AFF2: variants seen among roughly 807,000 people sequenced by gnomAD.
AFF2 encodes the protein AF4/FMR2 family member 2.
In AFF2, 14 loss-of-function variants were observed where a neutral mutation model predicts 76.9. That is an observed-to-expected ratio of 0.18 (90% CI 0.12 to 0.28). AFF2 has a LOEUF of 0.28. Ranked by LOEUF, AFF2 falls within the 10% of genes least tolerant of loss-of-function variation. The pLI, the probability that AFF2 is intolerant of heterozygous loss-of-function variation, is 1.00. For synonymous variants in AFF2, 398 were observed against 366.7 expected (o/e 1.09, Z -0.98); for missense variants, 868 against 1,001.1 (o/e 0.87, Z 1.79).
rs181489800 is a variant in AFF2 at position 148,758,459 on chromosome X, T to A, written c.1042-51417T>A. 6.8e-3 allele frequency among the ~76,000 whole-genome samples: 765 copies of A among 112,125 alleles called. 7 individuals are homozygous for A. Among genetic ancestry groups the A allele is most frequent in the African/African-American group, 0.023 (722 of 30,909 alleles). On this transcript the variant is annotated intron_variant, in intron 3 of 20. Coordinates refer to ENST00000370460, the MANE Select transcript of AFF2 (RefSeq NM_002025.4). Reference sequence around the variant, plus strand: ...AACATTGGGAAACTGCAGAAATGAATAAAAACTAGAATGAAAATCACCCAT... The same window carrying A: ...AACATTGGGAAACTGCAGAAATGAAAAAAAACTAGAATGAAAATCACCCAT...
rs1557257755 is a variant in AFF2 at position 148,661,911 on chromosome X, A to C, written c.184A>C (p.Asn62His). 1 of 1,194,590 alleles carries C rather than the reference A, an allele frequency of 8.4e-7. No homozygotes were observed. Among genetic ancestry groups the C allele is most frequent in the Non-Finnish European group, 1.1e-6 (1 of 886,323 alleles). The change falls in exon 3 of 21, where the codon AAC (asparagine) becomes CAC (histidine). Residue 62 changes from asparagine (N) to histidine (H), a missense_variant. This residue lies in a region of AFF2 where 196 missense variants were observed against 194.8 expected (regional missense o/e 1.01). Transcript: ENST00000370460. ...CCCCATCTTTTTGTTATTTTAGACA[A>C]ACAAAGGTGATGCACTTGCCAACCG... is the stretch of plus-strand genomic sequence containing the variant. ...GEPYKVAEYT[N>H]KGDALANRVQ... is the part of the protein sequence containing the mutation.
chrX:148,594,280 A>G (rs2053550044), intron 1 of AFF2, among the ~76,000 whole-genome samples: 1 of 111,729 alleles, frequency 9.0e-6, no homozygotes, highest in African/African-American at 3.3e-5. Flanking sequence ...TCAGAAATAC[A>G]TCTGGAACAC....
intron 9 of AFF2, among the ~76,000 whole-genome samples, chrX:148,945,296 T>A (rs1335120645): frequency 7.1e-5 from 8 of 112,204 alleles, no homozygotes; most frequent in African/African-American, 2.6e-4. Context: ...TCAGGAACAA[T>A]TGCCTAAAGA....
At chrX:148,961,475 G>A (rs1457024354) in intron 12 of AFF2, among the ~76,000 whole-genome samples, 2 of 112,141 alleles carry the variant, frequency 1.8e-5, no homozygotes, top group Non-Finnish European at 3.8e-5. Flanking sequence ...AATCAATTGA[G>A]GTAATGACAG....
In AFF2 at chrX:148,767,556, C is replaced by A. The variant is rs141241754; in HGVS notation, c.1042-42320C>A. ...TTTGCCCCTGAAAGCCACTAGCAAC[C>A]TAAAGCTCAGTCTTAAGACAGAAAG... On this transcript the variant is annotated intron_variant, in intron 3 of 20. Coordinates refer to ENST00000370460, the MANE Select transcript of AFF2 (RefSeq NM_002025.4). Among the ~76,000 whole-genome samples the A allele has an allele frequency of 3.7e-4, 41 of 112,145 alleles. No individual in the cohort carries two copies. The East Asian group carries it at 0.011, about 30-fold the overall frequency.
At chrX:148,735,754 T>C (rs1375666087) in intron 3 of AFF2, among the ~76,000 whole-genome samples, 1 of 111,274 alleles carries the variant, frequency 9.0e-6, no homozygotes, top group Non-Finnish European at 1.9e-5. Context: ...TGTAGTCTTT[T>C]ATCCCTCACC....
chrX:148,587,256 G>C (rs2053477924), intron 1 of AFF2, among the ~76,000 whole-genome samples: 1 of 111,979 alleles, frequency 8.9e-6, no homozygotes, highest in African/African-American at 3.2e-5. Context: ...TGTACAAGAA[G>C]AGCTATTATT....
intron 7 of AFF2, among the ~76,000 whole-genome samples, chrX:148,870,021 G>A (rs1453157455): frequency 9.0e-6 from 1 of 111,240 alleles, no homozygotes; most frequent in Non-Finnish European, 1.9e-5. Flanking sequence ...TGAGTTTTAG[G>A]TAGGAACGCA....
At chrX:148,575,378 G>A (rs186138183) in intron 1 of AFF2, among the ~76,000 whole-genome samples, 1 of 111,612 alleles carries the variant, frequency 9.0e-6, no homozygotes, top group East Asian at 2.8e-4. Context: ...TACATAATAT[G>A]TTTTCCTTTT....
chrX:148,652,022 C>T lies in AFF2; in HGVS notation c.71C>T (p.Ala24Val), dbSNP rs2054207612. The change falls in exon 2 of 21, where the codon GCA (alanine) becomes GTA (valine). Residue 24 changes from alanine to valine, a missense_variant. This residue lies in a region of AFF2 where 196 missense variants were observed against 194.8 expected (regional missense o/e 1.01). Transcript: ENST00000370460. ...AGTCACTATGAACAAGACCGTAGTG[C>T]ACTTAAAAAAAGGGAATGGGAGCGG... Reference protein sequence around the residue: ...QQCHYEQDRSALKKREWERRN... With the variant: ...QQCHYEQDRSVLKKREWERRN... 1 of 1,200,887 alleles carries T rather than the reference C, an allele frequency of 8.3e-7. No homozygotes were observed. Among genetic ancestry groups the T allele is most frequent in the African/African-American group, 1.8e-5 (1 of 56,626 alleles).
intron 1 of AFF2, among the ~76,000 whole-genome samples, chrX:148,563,391 G>T (rs1557241069): frequency 8.9e-6 from 1 of 111,801 alleles, no homozygotes; most frequent in East Asian, 2.8e-4. Context: ...GGCAGTGGAG[G>T]CCAGCTGGGA....
intron 3 of AFF2, among the ~76,000 whole-genome samples, chrX:148,769,105 T>G (rs1331046641): frequency 8.9e-6 from 1 of 112,199 alleles, no homozygotes; most frequent in African/African-American, 3.2e-5. Flanking sequence ...CTGTGCAACC[T>G]CTCATTTCTT....
chrX:148,552,915 C>T (rs1441671726), intron 1 of AFF2, among the ~76,000 whole-genome samples: 1 of 111,791 alleles, frequency 8.9e-6, no homozygotes, highest in Non-Finnish European at 1.9e-5. Context: ...CAGCTCCATT[C>T]TAGGTATTTG....
chrX:148,966,081 C>T (rs782312459), intron 13 of AFF2, among the ~76,000 whole-genome samples: 9 of 111,585 alleles, frequency 8.1e-5, no homozygotes, highest in Non-Finnish European at 1.5e-4. Flanking sequence ...AAAGCAAAGC[C>T]CTTGTAAGTA....
chrX:148,779,857 T>C (rs1557268927), intron 3 of AFF2, among the ~76,000 whole-genome samples: 1 of 112,276 alleles, frequency 8.9e-6, no homozygotes, highest in Non-Finnish European at 1.9e-5. Context: ...GTCTTTACAT[T>C]TTGGTTTGTT....
intron 13 of AFF2, among the ~76,000 whole-genome samples, chrX:148,964,874 CAAAT>C (rs1192627314): frequency 8.9e-6 from 1 of 112,339 alleles, no homozygotes; most frequent in Non-Finnish European, 1.9e-5. Context: ...AAAAAAGAAA[CAAAT>C]GAATGGAAGG....
At chrX:148,857,478 A>G (rs2070799435) in intron 7 of AFF2, among the ~76,000 whole-genome samples, 2 of 111,929 alleles carry the variant, frequency 1.8e-5, no homozygotes, top group African/African-American at 6.5e-5. Flanking sequence ...TTGATTCTGA[A>G]TGCAACATAA....
intron 9 of AFF2, among the ~76,000 whole-genome samples, chrX:148,946,619 A>T (rs1460117092): frequency 8.9e-6 from 1 of 112,575 alleles, no homozygotes. Flanking sequence ...TTCCTACTCA[A>T]GTAAGTTATT....
chrX:148,749,266 CTT>C (rs60610965), intron 3 of AFF2, among the ~76,000 whole-genome samples: 68 of 95,873 alleles, frequency 7.1e-4, no homozygotes, highest in African/African-American at 2.0e-3. Flanking sequence ...CCTAAATAGT[CTT>C]TTTTTTTTTT....
Sources: allele counts gnomAD v4.1 joint callset (sites outside exome capture counted in the v4.1 genomes callset), GRCh38; gene constraint gnomAD v4.1.1; regional missense constraint gnomAD v4.1.1; transcripts MANE v1.5; gene names NCBI Gene and HGNC (gene_info 2026-07-23, HGNC 2026-07-21).